The following DYSF variants were observed in gnomAD, a reference collection of about 807,000 sequenced individuals.
DYSF encodes dysferlin, also known as dystrophy-associated fer-1-like 1.
DYSF carries 212 observed loss-of-function variants against 274.9 expected under a neutral mutation model. That is an observed-to-expected ratio of 0.77 (90% CI 0.69 to 0.86). The LOEUF (loss-of-function observed/expected upper bound fraction) is 0.86. Among genes scored for constraint, DYSF ranks in the 40% least tolerant of loss-of-function variants. DYSF has a pLI of 0.00. For missense variants in DYSF, 2,666 were observed against 2,783.2 expected (o/e 0.96, Z 0.95); for synonymous variants, 1,091 against 1,078.7 (o/e 1.01, Z -0.22).
intron 46 of DYSF, among the ~76,000 whole-genome samples, chr2:71,664,746 G>A (rs1477193536): frequency 6.6e-6 from 1 of 152,206 alleles, no homozygotes; most frequent in African/African-American, 2.4e-5. Context: ...TACCTGGAAA[G>A]GGAGAGAGGG....
chr2:71,525,690 G>C (rs977672419), intron 12 of DYSF, among the ~76,000 whole-genome samples: 1 of 137,952 alleles, frequency 7.2e-6, no homozygotes, highest in Non-Finnish European at 1.6e-5. Flanking sequence ...TTCGTTTGCT[G>C]AAAGTGTTTT....
At chr2:71,531,673 C>T (rs982398380) in intron 14 of DYSF, among the ~76,000 whole-genome samples, 1 of 151,830 alleles carries the variant, frequency 6.6e-6, no homozygotes, top group Non-Finnish European at 1.5e-5. Context: ...TGTGCCTTTT[C>T]TTGGCGACTT....
rs1216925119 is a variant in DYSF at position 71,564,189 on chromosome 2, G to A, written c.2541G>A (p.Gly847=). 1.2e-6 allele frequency: 2 copies of A among 1,614,258 alleles called. No individual in the cohort carries two copies. Among genetic ancestry groups the A allele is most frequent in the Admixed American group, 1.7e-5 (1 of 60,036 alleles). Residue 847 remains glycine, a synonymous_variant, in exon 24 of 56, where the codon GGG becomes GGA. Coordinates refer to ENST00000410020, the MANE Select transcript of DYSF (RefSeq NM_001130987.2). ...RGANYCGKNC[G]KLQTIFLKYP... ...CCAACTACTGTGGCAAGAATTGTGGGAAGCTACAGACAATCTTTCTGAAAG... is the reference window on the plus strand; with the variant it reads ...CCAACTACTGTGGCAAGAATTGTGGAAAGCTACAGACAATCTTTCTGAAAG...
intron 42 of DYSF, among the ~76,000 whole-genome samples, chr2:71,652,313 C>T (rs983808593): frequency 6.6e-6 from 1 of 152,184 alleles, no homozygotes; most frequent in African/African-American, 2.4e-5. Flanking sequence ...ACGGGTCGTT[C>T]ATTTTAGAAA....
chr2:71,684,461 GT>G (rs553689825), intron 55 of DYSF, among the ~76,000 whole-genome samples: 32 of 152,348 alleles, frequency 2.1e-4, no homozygotes, highest in Non-Finnish European at 4.6e-4. Context: ...CGTCTGGGAG[GT>G]AAGGGCGTGT....
At chr2:71,521,404 G>A (rs972220795) in intron 12 of DYSF, among the ~76,000 whole-genome samples, 3 of 152,196 alleles carry the variant, frequency 2.0e-5, no homozygotes, top group African/African-American at 7.2e-5. Flanking sequence ...GGAGTGAGGG[G>A]TTAGATTTAA....
chr2:71,669,604 G>GT lies in DYSF; in HGVS notation c.5644dup (p.Trp1882LeufsTer6). 1 of 1,614,200 alleles carries GT rather than the reference G, an allele frequency of 6.2e-7. No homozygotes were observed. The highest frequency in any genetic ancestry group is 8.5e-7 in the Non-Finnish European group (1 of 1,180,050). On this transcript the variant is annotated frameshift_variant and splice_region_variant. Transcript: ENST00000410020. LOFTEE classifies it high-confidence loss of function. Reference sequence around the variant, plus strand: ...TATTCTCTAAAAACATGTATGTCTAGTTGGATGATTGGCTTTGAAGAACAC... The same window carrying GT: ...TATTCTCTAAAAACATGTATGTCTAGTTTGGATGATTGGCTTTGAAGAACAC...
chr2:71,652,555 T>A (rs1010182287), intron 42 of DYSF, among the ~76,000 whole-genome samples: 18 of 152,178 alleles, frequency 1.2e-4, no homozygotes, highest in African/African-American at 4.3e-4. Context: ...ATAGTAAAAG[T>A]CTTGTGTAAG....
At chr2:71,596,920 C>T (rs1454298979) in intron 32 of DYSF, among the ~76,000 whole-genome samples, 2 of 152,210 alleles carry the variant, frequency 1.3e-5, no homozygotes, top group Non-Finnish European at 2.9e-5. Context: ...GCTCTTTGGG[C>T]AACAGGTACA....
At chr2:71,594,137 C>T (rs994187098) in intron 32 of DYSF, among the ~76,000 whole-genome samples, 3 of 152,190 alleles carry the variant, frequency 2.0e-5, no homozygotes, top group African/African-American at 7.2e-5. Context: ...GGGGCCACGT[C>T]TTGATGACCG....
chr2:71,676,919 A>ATG (rs1188164062), intron 52 of DYSF, among the ~76,000 whole-genome samples: 6 of 86,054 alleles, frequency 7.0e-5, no homozygotes, highest in Admixed American at 1.5e-4. Context: ...TGCTGAGATA[A>ATG]TGTGTGTGTA....
intron 4 of DYSF, among the ~76,000 whole-genome samples, chr2:71,506,787 C>T (rs1473986604): frequency 1.3e-5 from 2 of 152,100 alleles, no homozygotes; most frequent in African/African-American, 4.8e-5. Context: ...CCATCAGATC[C>T]TGAAGCCATG....
upstream of DYSF, among the ~76,000 whole-genome samples, chr2:71,464,528 C>T (rs2081414790): frequency 6.6e-6 from 1 of 152,178 alleles, no homozygotes; most frequent in East Asian, 1.9e-4. Flanking sequence ...GAACAGCTGA[C>T]AGAGACCCTG....
At chr2:71,627,980 G>A (rs115922455) in intron 41 of DYSF, among the ~76,000 whole-genome samples, 1,701 of 152,006 alleles carry the variant, frequency 0.011, 35 homozygotes, top group African/African-American at 0.039. Context: ...TTAAGTTTTA[G>A]CTATCTCTCC....
At chr2:71,469,098 C>G (rs868672338) in intron 1 of DYSF, among the ~76,000 whole-genome samples, 24 of 152,198 alleles carry the variant, frequency 1.6e-4, no homozygotes, top group African/African-American at 5.8e-4. Flanking sequence ...AGAATCAGCA[C>G]TTAACAAATA....
chr2:71,496,218 C>T lies in DYSF; in HGVS notation c.240-6996C>T, dbSNP rs939200465. On this transcript the variant is annotated intron_variant, in intron 3 of 55. Transcript: ENST00000410020. ...TTTAAAATGGCCACTCAAGGCTGGG[C>T]GTGGTGGCTTATGCCTGTAATCCCA... Among the ~76,000 whole-genome samples the T allele has an allele frequency of 1.7e-3, 261 of 152,222 alleles. 4 individuals are homozygous for T. Among genetic ancestry groups the T allele is most frequent in the Non-Finnish European group, 2.4e-4 (16 of 68,016 alleles).
chr2:71,581,721 C>G (rs1416804303), intron 30 of DYSF, among the ~76,000 whole-genome samples: 1 of 152,254 alleles, frequency 6.6e-6, no homozygotes, highest in Non-Finnish European at 1.5e-5. Context: ...CTTAACCTCT[C>G]TGGGCCCCAG....
chr2:71,494,084 A>T (rs1241449648), intron 3 of DYSF, among the ~76,000 whole-genome samples: 1 of 151,812 alleles, frequency 6.6e-6, no homozygotes, highest in East Asian at 1.9e-4. Context: ...GTGTTTTTGC[A>T]GTCTTTTGTG....
intron 52 of DYSF, among the ~76,000 whole-genome samples, chr2:71,676,185 TA>T (rs1374759325): frequency 6.6e-6 from 1 of 152,218 alleles, no homozygotes; most frequent in Non-Finnish European, 1.5e-5. Flanking sequence ...GAGAAGTAGA[TA>T]TGTCTTTGTA....
Sources: allele counts gnomAD v4.1 joint callset (sites outside exome capture counted in the v4.1 genomes callset), GRCh38; gene constraint gnomAD v4.1.1; transcripts MANE v1.5; gene names NCBI Gene and HGNC (gene_info 2026-07-23, HGNC 2026-07-21).